The following PPM1L variants were observed in gnomAD, a reference collection of about 807,000 sequenced individuals.
PPM1L encodes the protein protein phosphatase 1L.
PPM1L carries 13 observed loss-of-function variants against 31.4 expected under a neutral mutation model. The observed-to-expected ratio is 0.41, with a 90% CI of 0.27 to 0.66. PPM1L has a LOEUF of 0.66. Ranked by LOEUF, PPM1L falls within the 30% of genes least tolerant of loss-of-function variation. The pLI is 0.29. For missense variants in PPM1L, 326 were observed against 453.7 expected, an observed-to-expected ratio of 0.72 and a Z score of 2.56; for synonymous variants, 184 against 175.4, an observed-to-expected ratio of 1.05 and a Z score of -0.39.
chr3:161,076,187 T>TA lies in PPM1L; in HGVS notation c.*7031dup, dbSNP rs1241733403. ...AATTAATCCTGTAGAAATGATGTAT[T>TA]AGACATCTCTAACCCAAGAAAAAGA... On this transcript the variant is annotated 3_prime_UTR_variant, in exon 4 of 4. Transcript: ENST00000498165. 1.3e-5 allele frequency: 2 copies of TA among 152,202 alleles called. No individual in the cohort carries two copies. Among genetic ancestry groups the TA allele is most frequent in the Non-Finnish European group, 2.9e-5 (2 of 68,030 alleles). 9.4% of individuals were successfully genotyped at this position (152,202 alleles called of 1,614,324 possible).
intron 2 of PPM1L, among the ~76,000 whole-genome samples, chr3:161,031,278 C>G (rs1415119664): frequency 6.6e-6 from 1 of 152,146 alleles, no homozygotes; most frequent in Non-Finnish European, 1.5e-5. Context: ...TTTGTAGATT[C>G]CAGTGACCTG....
chr3:160,826,272 A>G (rs1321026067), intron 1 of PPM1L, among the ~76,000 whole-genome samples: 3 of 152,196 alleles, frequency 2.0e-5, no homozygotes, highest in African/African-American at 7.2e-5. Flanking sequence ...ATTGTTAACA[A>G]AGAACATGAT....
At chr3:160,910,871 A>G (rs1026485847) in intron 1 of PPM1L, among the ~76,000 whole-genome samples, 6 of 152,218 alleles carry the variant, frequency 3.9e-5, no homozygotes, top group Non-Finnish European at 5.9e-5. Context: ...GATGATATGC[A>G]CCATGGTAAA....
chr3:161,062,596 C>T (rs1438208194), intron 2 of PPM1L, among the ~76,000 whole-genome samples: 1 of 152,218 alleles, frequency 6.6e-6, no homozygotes, highest in African/African-American at 2.4e-5. Flanking sequence ...CATTGTGTCA[C>T]TATCCTGCTT....
At chr3:161,010,542 A>G (rs1229192089) in intron 2 of PPM1L, among the ~76,000 whole-genome samples, 1 of 152,216 alleles carries the variant, frequency 6.6e-6, no homozygotes, top group Admixed American at 6.5e-5. Flanking sequence ...TATACCCAGT[A>G]ATGGGATGGC....
chr3:160,768,865 A>G (rs939490792), intron 1 of PPM1L, among the ~76,000 whole-genome samples: 1 of 152,224 alleles, frequency 6.6e-6, no homozygotes, highest in Non-Finnish European at 1.5e-5. Context: ...AATAACTTCA[A>G]GGCTCTGGTT....
intron 1 of PPM1L, among the ~76,000 whole-genome samples, chr3:160,874,067 A>G (rs572273684): frequency 1.3e-5 from 2 of 152,216 alleles, no homozygotes; most frequent in East Asian, 3.9e-4. Flanking sequence ...TTTATCTGGC[A>G]TGAATTCTTT....
chr3:160,995,477 C>T lies in PPM1L; in HGVS notation c.574+33567C>T, dbSNP rs548533082. 5.9e-5 allele frequency among the ~76,000 whole-genome samples: 9 copies of T among 152,192 alleles called. No individual in the cohort carries two copies. The East Asian group carries it at 9.7e-4, about 16-fold the overall frequency. Reference sequence around the variant, plus strand: ...CTGGGATTATAGGTGCCTGCCACCACACCCAGCTAATTTTTGTATTTTTAG... The same window carrying T: ...CTGGGATTATAGGTGCCTGCCACCATACCCAGCTAATTTTTGTATTTTTAG... On this transcript the variant is annotated intron_variant, in intron 2 of 3. Coordinates refer to ENST00000498165, the MANE Select transcript of PPM1L (RefSeq NM_139245.4).
intron 1 of PPM1L, among the ~76,000 whole-genome samples, chr3:160,944,959 TATA>T (rs1715331252): frequency 1.2e-4 from 4 of 34,510 alleles, no homozygotes; most frequent in African/African-American, 1.9e-4. Context: ...TATATAACTA[TATA>T]ACATATATTA....
intron 1 of PPM1L, among the ~76,000 whole-genome samples, chr3:160,863,744 C>G (rs1711985322): frequency 6.6e-6 from 1 of 152,146 alleles, no homozygotes; most frequent in Non-Finnish European, 1.5e-5. Context: ...TAGCCTAGTT[C>G]TTCAAGTAAG....
intron 1 of PPM1L, among the ~76,000 whole-genome samples, chr3:160,911,508 G>C (rs528628040): frequency 1.3e-5 from 2 of 152,356 alleles, no homozygotes; most frequent in South Asian, 4.1e-4. Context: ...TCAACCACTT[G>C]TGAGTGAGTA....
chr3:160,843,662 T>G (rs891581674), intron 1 of PPM1L, among the ~76,000 whole-genome samples: 1 of 151,568 alleles, frequency 6.6e-6, no homozygotes, highest in Non-Finnish European at 1.5e-5. Flanking sequence ...TTCCCCTTCC[T>G]GTGTCCAAGT....
At chr3:160,923,954 A>G (rs1714503889) in intron 1 of PPM1L, among the ~76,000 whole-genome samples, 1 of 152,172 alleles carries the variant, frequency 6.6e-6, no homozygotes, top group Non-Finnish European at 1.5e-5. Context: ...ATTATCTGCT[A>G]TTTTTAGGCA....
At chr3:161,017,275 T>C (rs1718112337) in intron 2 of PPM1L, among the ~76,000 whole-genome samples, 1 of 152,132 alleles carries the variant, frequency 6.6e-6, no homozygotes, top group Non-Finnish European at 1.5e-5. Flanking sequence ...GAAGAAAATG[T>C]CACAGAATAC....
chr3:160,759,358 A>G (rs1245399686), intron 1 of PPM1L, among the ~76,000 whole-genome samples: 1 of 152,194 alleles, frequency 6.6e-6, no homozygotes, highest in Non-Finnish European at 1.5e-5. Flanking sequence ...TGCAGAGGAG[A>G]CATTACCTTG....
rs555346925 is a variant in PPM1L at position 160,772,589 on chromosome 3, C to A, written c.399+15882C>A. Among the ~76,000 whole-genome samples, 6 of 152,268 alleles carry A rather than the reference C, an allele frequency of 3.9e-5. No individual in the cohort carries two copies. In the South Asian group the frequency reaches 1.0e-3, roughly 26 times the overall value. ...TGATGCATACAATAAACTGTACATG[C>A]TTAATATATGCAATTTGATCAGTTT... On this transcript the variant is annotated intron_variant, in intron 1 of 3. Transcript: ENST00000498165.
chr3:160,900,807 A>G (rs116043849), intron 1 of PPM1L, among the ~76,000 whole-genome samples: 1,887 of 152,236 alleles, frequency 0.012, 37 homozygotes, highest in African/African-American at 0.044. Flanking sequence ...CAGTATTTCA[A>G]GTAATTTTTC....
chr3:161,055,557 C>T (rs1323536229), intron 2 of PPM1L, among the ~76,000 whole-genome samples: 1 of 152,160 alleles, frequency 6.6e-6, no homozygotes, highest in Non-Finnish European at 1.5e-5. Context: ...ATTGAACTAA[C>T]ACTCATTGTC....
intron 1 of PPM1L, among the ~76,000 whole-genome samples, chr3:160,937,693 G>A (rs1000901277): frequency 1.7e-4 from 26 of 152,084 alleles, no homozygotes; most frequent in African/African-American, 6.0e-4. Context: ...GGAATAAAAT[G>A]GCTATTGTCT....
Sources: allele counts gnomAD v4.1 joint callset (sites outside exome capture counted in the v4.1 genomes callset), GRCh38; gene constraint gnomAD v4.1.1; transcripts MANE v1.5; gene names NCBI Gene and HGNC (gene_info 2026-07-23, HGNC 2026-07-21).